Variants in SIK3 observed in about 807,000 individuals in gnomAD.
SIK3 encodes the protein serine/threonine-protein kinase SIK3.
A neutral mutation model predicts 144.2 loss-of-function variants in SIK3; 28 were observed. The observed-to-expected ratio is 0.19, with a 90% CI of 0.14 to 0.27. SIK3 has a LOEUF of 0.27. SIK3 is among the 10% of genes least tolerant of loss of function. The probability of loss-of-function intolerance (pLI) is 1.00; values close to 1 mark genes in which losing one functional copy is unlikely to be tolerated. For synonymous variants in SIK3, 686 were observed against 676.3 expected (o/e 1.01, Z -0.22); for missense variants, 1,319 against 1,776.0 (o/e 0.74, Z 4.62).
intron 1 of SIK3, among the ~76,000 whole-genome samples, chr11:117,040,880 A>G (rs1952709973): frequency 6.6e-6 from 1 of 151,096 alleles, no homozygotes; most frequent in Admixed American, 6.6e-5. Context: ...TTATATACTT[A>G]TATATAGTGA....
chr11:116,921,501 T>TA (rs1479905476), intron 4 of SIK3, among the ~76,000 whole-genome samples: 1 of 152,190 alleles, frequency 6.6e-6, no homozygotes, highest in Non-Finnish European at 1.5e-5. Context: ...CTAGACTTGG[T>TA]AACTGCCTTT....
chr11:117,082,278 G>GGTAT (rs1456159698), intron 1 of SIK3, among the ~76,000 whole-genome samples: 6 of 152,074 alleles, frequency 3.9e-5, no homozygotes, highest in African/African-American at 1.2e-4. Context: ...TCCACTCCTA[G>GGTAT]GTATATGCCC....
chr11:117,024,055 C>G (rs1951908456), intron 1 of SIK3, among the ~76,000 whole-genome samples: 1 of 152,084 alleles, frequency 6.6e-6, no homozygotes, highest in African/African-American at 2.4e-5. Context: ...TGTATATTCT[C>G]CAAGCCCACT....
intron 4 of SIK3, among the ~76,000 whole-genome samples, chr11:116,900,719 A>C (rs1945686894): frequency 6.6e-6 from 1 of 152,168 alleles, no homozygotes; most frequent in Non-Finnish European, 1.5e-5. Flanking sequence ...GGCCCAGTCA[A>C]ATATTACTTC....
chr11:116,857,871 C>G lies in SIK3; in HGVS notation c.3594G>C (p.Gly1198=), dbSNP rs753476055. 2.5e-5 allele frequency: 41 copies of G among 1,614,050 alleles called. No homozygotes were observed. The highest frequency in any genetic ancestry group is 3.1e-5 in the Non-Finnish European group (37 of 1,180,048). The part of the protein sequence containing the change: ...LGTVSHAQEL[G]IHPYGHQPTA... ...TTGGCTGATGACCATAGGGATGTAT[C>G]CCCAATTCTTGGGCATGACTCACAG... is the stretch of plus-strand genomic sequence containing the variant. Residue 1198 remains glycine, a synonymous_variant, in exon 21 of 25, where the codon GGG becomes GGC. Transcript: ENST00000445177.
chr11:116,859,439 T>G lies in SIK3; in HGVS notation c.2591A>C (p.Asp864Ala). Reference sequence around the variant, plus strand: ...TGTGCCTGGCATGTTGCTGAGCATGTCAACAGGCTCTTGGACTTGGATGGT... The same window carrying G: ...TGTGCCTGGCATGTTGCTGAGCATGGCAACAGGCTCTTGGACTTGGATGGT... ...QVTIQVQEPVDMLSNMPGTAA... is the reference protein window; with the variant it reads ...QVTIQVQEPVAMLSNMPGTAA... The change falls in exon 20 of 25, where the codon GAC becomes GCC. Residue 864 changes from aspartate (D) to alanine (A), a missense_variant. Around this residue, in one of 8 missense-constraint regions of SIK3, gnomAD observed 646 missense variants for 763.7 expected, o/e 0.85. Transcript: ENST00000445177. 6.2e-7 allele frequency: 1 copy of G among 1,614,204 alleles called. No individual in the cohort carries two copies. Among genetic ancestry groups the G allele is most frequent in the Non-Finnish European group, 8.5e-7 (1 of 1,180,040 alleles).
At position 116,844,101 on chromosome 11, in the gene SIK3, T is replaced by G; in HGVS notation, c.*1542A>C. On this transcript the variant is annotated 3_prime_UTR_variant, in exon 25 of 25. Transcript: ENST00000445177. ...GAAGAGTCAGTGTATTCAAGGTCTCTCTCTTGTTTTGAAGATCAGAAGGAG... is the reference window on the plus strand; with the variant it reads ...GAAGAGTCAGTGTATTCAAGGTCTCGCTCTTGTTTTGAAGATCAGAAGGAG... 1 of 152,166 alleles carries G rather than the reference T, an allele frequency of 6.6e-6. No homozygotes were observed. Among genetic ancestry groups the G allele is most frequent in the East Asian group, 1.9e-4 (1 of 5,186 alleles). The allele number at this position is 152,166 out of a possible 1,614,324, so 9.4% of individuals were successfully genotyped here.
chr11:116,937,046 T>C (rs1235599839), intron 3 of SIK3, among the ~76,000 whole-genome samples: 1 of 152,238 alleles, frequency 6.6e-6, no homozygotes, highest in Non-Finnish European at 1.5e-5. Context: ...CTAATGACAT[T>C]TAATCTATCT....
intron 1 of SIK3, among the ~76,000 whole-genome samples, chr11:116,959,116 G>A (rs1436620470): frequency 6.6e-6 from 1 of 152,178 alleles, no homozygotes; most frequent in African/African-American, 2.4e-5. Context: ...GACTGATTGA[G>A]TCCAGGAGTT....
chr11:116,946,080 T>G (rs976214779), intron 3 of SIK3, among the ~76,000 whole-genome samples: 1 of 152,248 alleles, frequency 6.6e-6, no homozygotes, highest in South Asian at 2.1e-4. Flanking sequence ...TTTCTTGCAA[T>G]TATGCTCATC....
chr11:117,046,251 AC>A (rs1952959045), intron 1 of SIK3, among the ~76,000 whole-genome samples: 1 of 152,238 alleles, frequency 6.6e-6, no homozygotes, highest in South Asian at 2.1e-4. Context: ...ACAGCAAAAT[AC>A]CATGACACAA....
chr11:116,928,172 T>C (rs1032934818), intron 3 of SIK3, among the ~76,000 whole-genome samples: 1 of 152,226 alleles, frequency 6.6e-6, no homozygotes, highest in Non-Finnish European at 1.5e-5. Flanking sequence ...TCCTCAATAT[T>C]CAAAAATGAT....
intron 12 of SIK3, 76 bp downstream of exon 12, chr11:116,873,827 G>A: frequency 6.5e-7 from 1 of 1,535,220 alleles, no homozygotes; most frequent in Non-Finnish European, 8.8e-7. Flanking sequence ...AAGTCCTAGG[G>A]AAGGTGCCTC....
At position 116,986,699 on chromosome 11, in the gene SIK3, T is replaced by A. The variant is rs1317102084; in HGVS notation, c.274-29635A>T. Among the ~76,000 whole-genome samples, 5 of 152,324 alleles carry A rather than the reference T, an allele frequency of 3.3e-5. No homozygotes were observed. In the East Asian group the frequency reaches 9.7e-4, roughly 29 times the overall value. On this transcript the variant is annotated intron_variant, in intron 1 of 24. Coordinates refer to ENST00000445177, the MANE Select transcript of SIK3 (RefSeq NM_001366686.3). Reference sequence around the variant, plus strand: ...TGTTAGTCACTAGCTATTGTCATCATCCTCAAACACAAGGAATAGCAATTT... The same window carrying A: ...TGTTAGTCACTAGCTATTGTCATCAACCTCAAACACAAGGAATAGCAATTT...
At chr11:117,092,487 T>G (rs1372011081) in intron 1 of SIK3, among the ~76,000 whole-genome samples, 1 of 152,172 alleles carries the variant, frequency 6.6e-6, no homozygotes, top group Non-Finnish European at 1.5e-5. Context: ...TCTAGTCCGT[T>G]TATTTTCTTC....
intron 1 of SIK3, among the ~76,000 whole-genome samples, chr11:117,039,878 G>T (rs1952666323): frequency 6.6e-6 from 1 of 152,230 alleles, no homozygotes; most frequent in Middle Eastern, 3.4e-3. Context: ...TCCCATCCAG[G>T]TTTTCCTGAC....
At chr11:116,877,247 C>T (rs577971987) in intron 6 of SIK3, among the ~76,000 whole-genome samples, 67 of 152,276 alleles carry the variant, frequency 4.4e-4, no homozygotes, top group African/African-American at 1.5e-3. Flanking sequence ...GAAAAAGAAA[C>T]TCAAGTGTGG....
chr11:117,081,252 T>C (rs977791630), intron 1 of SIK3, among the ~76,000 whole-genome samples: 5 of 150,120 alleles, frequency 3.3e-5, no homozygotes. Context: ...TTCTTTGTTA[T>C]ACATTTTGTA....
intron 3 of SIK3, among the ~76,000 whole-genome samples, chr11:116,940,220 A>T (rs1050614335): frequency 4.0e-5 from 6 of 151,318 alleles, no homozygotes; most frequent in Non-Finnish European, 8.8e-5. Context: ...ATATTCCTTT[A>T]AGGTTTTTTT....
Sources: allele counts gnomAD v4.1 joint callset (sites outside exome capture counted in the v4.1 genomes callset), GRCh38; gene constraint gnomAD v4.1.1; regional missense constraint gnomAD v4.1.1; transcripts MANE v1.5; gene names NCBI Gene and HGNC (gene_info 2026-07-23, HGNC 2026-07-21).